LRP1B: variants seen among roughly 807,000 people sequenced by gnomAD.
The protein encoded by LRP1B is low-density lipoprotein receptor-related protein 1B.
In LRP1B, 217 loss-of-function variants were observed where a neutral mutation model predicts 556.6. The ratio of observed to expected loss-of-function variants is 0.39; its 90% CI spans 0.35 to 0.44. LRP1B has a LOEUF of 0.44. LRP1B is among the 20% of genes least tolerant of loss of function. The pLI, the probability that LRP1B is intolerant of heterozygous loss-of-function variation, is 1.00. For synonymous variants in LRP1B, 2,047 were observed against 1,865.8 expected, an observed-to-expected ratio of 1.10 and a Z score of -2.50; for missense variants, 5,053 against 5,620.8, an observed-to-expected ratio of 0.90 and a Z score of 3.23.
At chr2:140,867,361 TCTTAGGAATTAAGATGCC>T (rs1180342181) in intron 27 of LRP1B, among the ~76,000 whole-genome samples, 1 of 151,790 alleles carries the variant, frequency 6.6e-6, no homozygotes, top group Admixed American at 6.6e-5. Context: ...TACAGGGGCA[TCTTAGGAATTAAGATGCC>T]CCTAAATATT....
chr2:141,154,079 G>A (rs1227163723), intron 7 of LRP1B, among the ~76,000 whole-genome samples: 1 of 151,794 alleles, frequency 6.6e-6, no homozygotes, highest in Non-Finnish European at 1.5e-5. Flanking sequence ...AGATGCCCTG[G>A]GCATATAAAC....
chr2:140,872,436 G>C (rs1174866865), intron 25 of LRP1B, among the ~76,000 whole-genome samples: 2 of 138,208 alleles, frequency 1.4e-5, no homozygotes, highest in Non-Finnish European at 3.1e-5. Context: ...TTGTAAGGAA[G>C]AGTGTAGTTT....
At chr2:141,442,572 C>T (rs1681021533) in intron 3 of LRP1B, among the ~76,000 whole-genome samples, 1 of 152,006 alleles carries the variant, frequency 6.6e-6, no homozygotes, top group Non-Finnish European at 1.5e-5. Context: ...AATGCTATCC[C>T]TCCCTCAGCC....
chr2:140,330,243 T>TAATAA (rs1680738569), intron 79 of LRP1B, among the ~76,000 whole-genome samples: 1 of 117,494 alleles, frequency 8.5e-6, no homozygotes, highest in African/African-American at 3.0e-5. Flanking sequence ...AATAATAATA[T>TAATAA]GGAGCCAAAA....
chr2:142,105,403 C>T (rs908602476), intron 1 of LRP1B, among the ~76,000 whole-genome samples: 4 of 152,118 alleles, frequency 2.6e-5, no homozygotes, highest in Admixed American at 2.6e-4. Flanking sequence ...CTCATTGACA[C>T]ATCCCATTAA....
At chr2:141,231,843 A>G (rs987480258) in intron 5 of LRP1B, among the ~76,000 whole-genome samples, 1 of 152,212 alleles carries the variant, frequency 6.6e-6, no homozygotes, top group Non-Finnish European at 1.5e-5. Flanking sequence ...ACAACAAAAC[A>G]GTAAAACAAA....
intron 7 of LRP1B, among the ~76,000 whole-genome samples, chr2:141,121,151 G>C (rs1701037726): frequency 6.6e-6 from 1 of 151,892 alleles, no homozygotes; most frequent in Non-Finnish European, 1.5e-5. Context: ...CCTCATCCAT[G>C]AAATGAAAAA....
At chr2:140,376,574 TA>T (rs996833080) in intron 68 of LRP1B, among the ~76,000 whole-genome samples, 155 of 148,836 alleles carry the variant, frequency 1.0e-3, no homozygotes, top group African/African-American at 2.4e-3. Context: ...CCTTTGTGTT[TA>T]AAAAAAAAAA....
chr2:141,570,388 C>T (rs531711346), intron 2 of LRP1B, among the ~76,000 whole-genome samples: 1 of 151,212 alleles, frequency 6.6e-6, no homozygotes, highest in South Asian at 2.1e-4. Flanking sequence ...AGAAACTGTG[C>T]TTTTTCCACA....
intron 63 of LRP1B, among the ~76,000 whole-genome samples, chr2:140,448,997 A>T (rs1190085856): frequency 6.6e-6 from 1 of 152,086 alleles, no homozygotes; most frequent in Non-Finnish European, 1.5e-5. Context: ...CACTAAAGTA[A>T]TATTTGATGA....
intron 2 of LRP1B, among the ~76,000 whole-genome samples, chr2:141,717,616 T>C (rs1025602731): frequency 1.3e-5 from 2 of 152,178 alleles, no homozygotes; most frequent in Non-Finnish European, 2.9e-5. Context: ...TCACCTTGGT[T>C]TAGGAATAAA....
intron 57 of LRP1B, among the ~76,000 whole-genome samples, chr2:140,491,832 A>C (rs962466156): frequency 2.6e-5 from 4 of 152,154 alleles, no homozygotes; most frequent in Admixed American, 2.6e-4. Context: ...GTAGTGTGAT[A>C]TGGTGGATGT....
chr2:140,531,648 A>T (rs1189881123), intron 47 of LRP1B, among the ~76,000 whole-genome samples: 1 of 151,924 alleles, frequency 6.6e-6, no homozygotes, highest in East Asian at 1.9e-4. Flanking sequence ...CTTTACATCA[A>T]TCTTTTCTAA....
At chr2:140,577,972 T>C (rs1416342288) in intron 43 of LRP1B, among the ~76,000 whole-genome samples, 1 of 152,178 alleles carries the variant, frequency 6.6e-6, no homozygotes, top group African/African-American at 2.4e-5. Context: ...AAATAAATGA[T>C]GTTCAATAGT....
intron 2 of LRP1B, among the ~76,000 whole-genome samples, chr2:141,758,022 A>G (rs1440452429): frequency 6.6e-6 from 1 of 152,186 alleles, no homozygotes; most frequent in Non-Finnish European, 1.5e-5. Context: ...CAGAAAACAG[A>G]CAAAACAGGT....
At chr2:141,185,687 C>CAA (rs111914547) in intron 7 of LRP1B, among the ~76,000 whole-genome samples, 69,381 of 132,012 alleles carry the variant, frequency 0.53, 19,383 homozygotes, top group Middle Eastern at 0.69. Context: ...AACAAACAAA[C>CAA]AAAAAAAAAC....
chr2:140,791,209 G>T (rs2104986417), intron 32 of LRP1B, among the ~76,000 whole-genome samples: 1 of 151,996 alleles, frequency 6.6e-6, no homozygotes, highest in African/African-American at 2.4e-5. Context: ...AGCCAAGATT[G>T]CACCGCTGCA....
intron 2 of LRP1B, among the ~76,000 whole-genome samples, chr2:141,782,835 T>C (rs1200913192): frequency 6.6e-6 from 1 of 152,084 alleles, no homozygotes; most frequent in Non-Finnish European, 1.5e-5. Flanking sequence ...AATTTTATTG[T>C]ATGTTTACTC....
intron 7 of LRP1B, among the ~76,000 whole-genome samples, chr2:141,120,023 A>G (rs1268826584): frequency 2.0e-5 from 3 of 151,932 alleles, no homozygotes; most frequent in African/African-American, 7.2e-5. Context: ...AGCTGGTAGG[A>G]AATGCTCAAT....
Sources: gnomAD v4.1 joint callset for allele counts (sites outside exome capture counted in the v4.1 genomes callset) on GRCh38, gnomAD v4.1.1 for gene constraint, MANE v1.5 for transcripts, NCBI Gene and HGNC (gene_info 2026-07-23, HGNC 2026-07-21) for gene names.